Variants in GDAP1 observed in about 807,000 individuals in gnomAD.
GDAP1 encodes the protein ganglioside induced differentiation associated protein 1.
Under a neutral mutation model 40.1 loss-of-function variants are expected in GDAP1, and 34 were observed. The observed-to-expected ratio is 0.85, with a 90% CI of 0.64 to 1.13. The LOEUF is 1.13. Among genes scored for constraint, GDAP1 ranks in the 50% most tolerant of loss-of-function variants. GDAP1 has a pLI of 0.00. For missense variants in GDAP1, 374 were observed against 433.7 expected (o/e 0.86, Z 1.22); for synonymous variants, 170 against 157.4 (o/e 1.08, Z -0.60).
rs1489976889 is a variant in GDAP1, at chr8:74,453,467, G to T, written c.166-35211G>T. Among the ~76,000 whole-genome samples, 2 of 83,890 alleles carry T rather than the reference G, an allele frequency of 2.4e-5. 1 individual carries two copies. The highest frequency in any genetic ancestry group is 4.9e-5 in the Non-Finnish European group (2 of 41,180). 55.0% of individuals were successfully genotyped at this position (83,890 alleles called of 152,430 possible). Reference sequence around the variant, plus strand: ...TCCACTCACTCATTCAATTGCCAAAGATTTTTAAATTACTGATTATGTGCC... The same window carrying T: ...TCCACTCACTCATTCAATTGCCAAATATTTTTAAATTACTGATTATGTGCC... On this transcript the variant is annotated intron_variant, in intron 2 of 2. Transcript: ENST00000523640.
intron 2 of GDAP1, among the ~76,000 whole-genome samples, chr8:74,385,285 A>G (rs986865562): frequency 6.6e-6 from 1 of 152,026 alleles, no homozygotes; most frequent in African/African-American, 2.4e-5. Context: ...CCATCAACCC[A>G]TCATGTACAT....
intron 2 of GDAP1, among the ~76,000 whole-genome samples, chr8:74,424,655 T>C (rs1805924963): frequency 6.6e-6 from 1 of 152,196 alleles, no homozygotes. Context: ...TTGACAACTG[T>C]ATTGCAATAT....
intron 2 of GDAP1, among the ~76,000 whole-genome samples, chr8:74,472,705 C>CTTTCTTTTCTTTTCTTTTCTTTTCT (rs142771587): frequency 9.1e-4 from 132 of 144,684 alleles, no homozygotes; most frequent in South Asian, 2.3e-3. Flanking sequence ...CGATATTGAG[C>CTTTCTTTTCTTTTCTTTTCTTTTCT]TTTCTTTTCT....
At chr8:74,438,697 C>T (rs1806123509) in intron 2 of GDAP1, among the ~76,000 whole-genome samples, 3 of 152,112 alleles carry the variant, frequency 2.0e-5, no homozygotes, top group Admixed American at 1.3e-4. Context: ...ACCTCCTGGG[C>T]TCCAGCAATC....
At chr8:74,477,228 C>T (rs966084138) in intron 2 of GDAP1, among the ~76,000 whole-genome samples, 2 of 152,144 alleles carry the variant, frequency 1.3e-5, no homozygotes, top group East Asian at 3.9e-4. Context: ...TGGGTTTCAA[C>T]GTTTTCTTGA....
chr8:74,370,554 A>G (rs1031113690), downstream of GDAP1, among the ~76,000 whole-genome samples: 1 of 152,240 alleles, frequency 6.6e-6, no homozygotes, highest in Non-Finnish European at 1.5e-5. Context: ...ATAGAAATAA[A>G]ATACCAATGA....
intron 2 of GDAP1, among the ~76,000 whole-genome samples, chr8:74,398,515 C>T (rs1310363074): frequency 6.6e-6 from 1 of 152,166 alleles, no homozygotes; most frequent in Non-Finnish European, 1.5e-5. Context: ...TTGACTTCCT[C>T]TTTTCCTAAT....
chr8:74,438,644 T>C (rs1806122694), intron 2 of GDAP1, among the ~76,000 whole-genome samples: 1 of 152,160 alleles, frequency 6.6e-6, no homozygotes, highest in Admixed American at 6.5e-5. Context: ...TCTGTCACCT[T>C]GGTTGGAGTG....
chr8:74,453,940 AACAC>A (rs59331820), intron 2 of GDAP1, among the ~76,000 whole-genome samples: 1,492 of 58,676 alleles, frequency 0.025, 462 homozygotes, highest in African/African-American at 0.051. Context: ...TTCTGAAGAA[AACAC>A]ACACACACAC....
chr8:74,399,844 A>G (rs1810290386), intron 2 of GDAP1, among the ~76,000 whole-genome samples: 2 of 139,396 alleles, frequency 1.4e-5, no homozygotes, highest in Admixed American at 1.4e-4. Context: ...TTCAGTTTCC[A>G]TGTAGTTGAG....
chr8:74,385,992 A>G (rs747738285), intron 2 of GDAP1, among the ~76,000 whole-genome samples: 2 of 152,052 alleles, frequency 1.3e-5, no homozygotes, highest in African/African-American at 2.4e-5. Flanking sequence ...CCTTCTTTTG[A>G]GATCTGTCTG....
At chr8:74,395,947 T>C (rs1433847006) in intron 2 of GDAP1, among the ~76,000 whole-genome samples, 1 of 152,200 alleles carries the variant, frequency 6.6e-6, no homozygotes, top group African/African-American at 2.4e-5. Flanking sequence ...CATATTAACG[T>C]ACGGTGAAGT....
chr8:74,441,217 C>G (rs565429624), intron 2 of GDAP1, among the ~76,000 whole-genome samples: 1 of 152,082 alleles, frequency 6.6e-6, no homozygotes, highest in Admixed American at 6.5e-5. Flanking sequence ...TTAAAAACAA[C>G]GAAAGACTTG....
chr8:74,449,899 A>G (rs1245861215), intron 2 of GDAP1, among the ~76,000 whole-genome samples: 5 of 151,770 alleles, frequency 3.3e-5, no homozygotes, highest in Non-Finnish European at 7.4e-5. Context: ...TTTTGTCTGC[A>G]TCTTTTAGGT....
intron 2 of GDAP1, among the ~76,000 whole-genome samples, chr8:74,399,203 A>T (rs183416700): frequency 7.1e-6 from 1 of 140,548 alleles, no homozygotes; most frequent in Admixed American, 6.7e-5. Context: ...TTGGTAAGCT[A>T]TTGATTATTC....
At chr8:74,399,047 G>T (rs984956319) in intron 2 of GDAP1, among the ~76,000 whole-genome samples, 3 of 152,010 alleles carry the variant, frequency 2.0e-5, no homozygotes, top group African/African-American at 7.3e-5. Flanking sequence ...TTGGTGTCAG[G>T]ATGATACTGG....
At chr8:74,454,278 A>G (rs61404868) in intron 2 of GDAP1, among the ~76,000 whole-genome samples, 67,599 of 80,400 alleles carry the variant, frequency 0.84, 33,215 homozygotes, top group East Asian at 1. Flanking sequence ...TGAGTGGCTC[A>G]GAAATGGAAG....
At chr8:74,442,365 T>A (rs2131572727) in intron 2 of GDAP1, among the ~76,000 whole-genome samples, 1 of 152,350 alleles carries the variant, frequency 6.6e-6, no homozygotes, top group Non-Finnish European at 1.5e-5. Context: ...GCTTAGTGTT[T>A]AGCTATTCTG....
rs1208351804 is a variant in GDAP1 at position 74,364,554 on chromosome 8, C to T, written c.*187C>T. ...GACACAAAATTGCTTTATTCTACAA[C>T]TGCCAGCTCCAGGCAGAAATAGGAA... On this transcript the variant is annotated 3_prime_UTR_variant, in exon 6 of 6. Coordinates refer to ENST00000220822, the MANE Select transcript of GDAP1 (RefSeq NM_018972.4). The T allele has an allele frequency of 2.8e-6, 2 of 703,414 alleles. No homozygotes were observed. Among genetic ancestry groups the T allele is most frequent in the East Asian group, 2.7e-5 (1 of 36,756 alleles). The allele number at this position is 703,414 out of a possible 1,614,324, so 43.6% of individuals were successfully genotyped here.
Sources: allele counts gnomAD v4.1 joint callset (sites outside exome capture counted in the v4.1 genomes callset), GRCh38; gene constraint gnomAD v4.1.1; transcripts MANE v1.5; gene names NCBI Gene and HGNC (gene_info 2026-07-23, HGNC 2026-07-21).